KALRN: variants seen among roughly 807,000 people sequenced by gnomAD.
The protein encoded by KALRN is kalirin RhoGEF kinase, also known as kalirin.
A neutral mutation model predicts 353.7 loss-of-function variants in KALRN; 70 were observed. That is an observed-to-expected ratio of 0.20 (90% CI 0.16 to 0.24). KALRN has a LOEUF of 0.24. Ranked by LOEUF, KALRN falls within the 10% of genes least tolerant of loss-of-function variation. The pLI, the probability that KALRN is intolerant of heterozygous loss-of-function variation, is 1.00. For missense variants in KALRN, 2,791 were observed against 3,756.7 expected, an observed-to-expected ratio of 0.74 and a Z score of 6.72; for synonymous variants, 1,391 against 1,434.8, an observed-to-expected ratio of 0.97 and a Z score of 0.69.
rs556600969 is a variant in KALRN at position 124,393,847 on chromosome 3, G to A, written c.1963-1288G>A. On this transcript the variant is annotated intron_variant, in intron 11 of 59. Coordinates refer to ENST00000682506, the MANE Select transcript of KALRN (RefSeq NM_001388419.1). ...AATCTTCCTGTTAATCTCTTCTGCCGCATCTAGGGCTTCTCTATCTAAGGA... is the reference window on the plus strand; with the variant it reads ...AATCTTCCTGTTAATCTCTTCTGCCACATCTAGGGCTTCTCTATCTAAGGA... 7.2e-5 allele frequency among the ~76,000 whole-genome samples: 11 copies of A among 152,206 alleles called. No homozygotes were observed. The East Asian group carries it at 9.6e-4, about 13-fold the overall frequency.
At chr3:124,101,074 G>A (rs1410812900) in intron 1 of KALRN, among the ~76,000 whole-genome samples, 9 of 152,212 alleles carry the variant, frequency 5.9e-5, no homozygotes. Flanking sequence ...AACAAACTGT[G>A]TAAGAACGCA....
At position 124,217,420 on chromosome 3, in the gene KALRN, A is replaced by G. The variant is rs564333596; in HGVS notation, c.74-10570A>G. Among the ~76,000 whole-genome samples the G allele has an allele frequency of 3.3e-5, 5 of 152,318 alleles. No individual in the cohort carries two copies. In the East Asian group the frequency reaches 9.7e-4, roughly 29 times the overall value. On this transcript the variant is annotated intron_variant, in intron 1 of 59. Coordinates refer to ENST00000682506, the MANE Select transcript of KALRN (RefSeq NM_001388419.1). ...ATACCTGAACATTGTATCAGGGGAC[A>G]TATAGGGTTCATGCTATCTCATTTC...
rs544905879 is a variant in KALRN, at chr3:124,705,462, G to A, written c.8075+3346G>A. Among the ~76,000 whole-genome samples, 17 of 152,296 alleles carry A rather than the reference G, an allele frequency of 1.1e-4. No homozygotes were observed. The South Asian group carries it at 3.5e-3, about 32-fold the overall frequency. On this transcript the variant is annotated intron_variant, in intron 57 of 59. Coordinates refer to ENST00000682506, the MANE Select transcript of KALRN (RefSeq NM_001388419.1). ...CTTCAAGACCTGAGTGAGTCAGTCAGTCATGGGGTCAAATGAGGGCCAGTA... is the reference window on the plus strand; with the variant it reads ...CTTCAAGACCTGAGTGAGTCAGTCAATCATGGGGTCAAATGAGGGCCAGTA...
At chr3:124,680,835 G>C (rs1164849717) in intron 51 of KALRN, among the ~76,000 whole-genome samples, 1 of 152,194 alleles carries the variant, frequency 6.6e-6, no homozygotes, top group African/African-American at 2.4e-5. Flanking sequence ...ACCCCACTGT[G>C]GGAGAAAGTG....
chr3:124,392,557 G>GTT (rs569634416), intron 11 of KALRN, among the ~76,000 whole-genome samples: 3 of 126,914 alleles, frequency 2.4e-5, no homozygotes, highest in Admixed American at 1.5e-4. Context: ...TGGAGACAGA[G>GTT]TTTTTTTTGT....
At chr3:124,594,882 C>A (rs910119853) in intron 34 of KALRN, among the ~76,000 whole-genome samples, 2 of 152,226 alleles carry the variant, frequency 1.3e-5, no homozygotes, top group South Asian at 4.2e-4. Flanking sequence ...CACCCTGGGG[C>A]CTTCTCATTG....
chr3:124,455,275 G>C lies in KALRN; in HGVS notation c.3651G>C (p.Thr1217=), dbSNP rs1346938282. The C allele has an allele frequency of 1.9e-6, 3 of 1,614,034 alleles. No individual in the cohort carries two copies. Among genetic ancestry groups the C allele is most frequent in the South Asian group, 2.2e-5 (2 of 91,086 alleles). Residue 1217 remains threonine (T), a synonymous_variant, in exon 22 of 60, where the codon ACG becomes ACC. Transcript: ENST00000682506. ...CGGAGATAAGGAAATGGGTGACCAC[G>C]GTGGACAAGCACTACAGAGATTTCT... ...HATEIRKWVT[T]VDKHYRDFSL... is the part of the protein sequence containing the mutation.
At chr3:124,180,846 A>G (rs1186727547) in intron 1 of KALRN, among the ~76,000 whole-genome samples, 2 of 151,492 alleles carry the variant, frequency 1.3e-5, no homozygotes, top group Non-Finnish European at 2.9e-5. Context: ...CACTTCCTGT[A>G]ATGAACAACA....
At chr3:124,455,077 T>G in intron 21 of KALRN, 100 bp from the exon 22 acceptor site, 23 of 1,293,732 alleles carry the variant, frequency 1.8e-5, no homozygotes, top group African/African-American at 2.9e-5. Context: ...TAGTCAGCTA[T>G]GAGGTATCTA....
chr3:124,253,448 T>G (rs1314603011), intron 3 of KALRN, among the ~76,000 whole-genome samples: 1 of 152,210 alleles, frequency 6.6e-6, no homozygotes, highest in Non-Finnish European at 1.5e-5. Context: ...TGTCTGCCTA[T>G]GGTGAACGGT....
At chr3:124,152,862 G>A (rs1387051702) in intron 1 of KALRN, 1 of 203,756 alleles carries the variant, frequency 4.9e-6, no homozygotes. Context: ...TGATCCACCC[G>A]CCTCGGCCTC....
intron 33 of KALRN, among the ~76,000 whole-genome samples, chr3:124,559,540 A>G (rs1457178157): frequency 6.6e-6 from 1 of 152,170 alleles, no homozygotes; most frequent in Non-Finnish European, 1.5e-5. Flanking sequence ...CAGTGAGGGG[A>G]GTAAGATGAG....
intron 10 of KALRN, among the ~76,000 whole-genome samples, chr3:124,373,102 C>A (rs2086088851): frequency 6.6e-6 from 1 of 152,070 alleles, no homozygotes; most frequent in Non-Finnish European, 1.5e-5. Context: ...ACCCCCTAAC[C>A]TCCTCCCCCT....
chr3:124,687,004 G>C (rs535428168), intron 51 of KALRN, among the ~76,000 whole-genome samples: 1 of 151,700 alleles, frequency 6.6e-6, no homozygotes, highest in African/African-American at 2.4e-5. Context: ...TTTTAGAAGT[G>C]GGTTCTCCCG....
At chr3:124,304,101 T>C (rs1367398589) in intron 6 of KALRN, among the ~76,000 whole-genome samples, 2 of 147,734 alleles carry the variant, frequency 1.4e-5, no homozygotes, top group African/African-American at 5.0e-5. Flanking sequence ...TTTTTTAGAA[T>C]GTCAGAATTT....
At chr3:124,447,582 G>T (rs760172810) in intron 21 of KALRN, among the ~76,000 whole-genome samples, 8 of 152,158 alleles carry the variant, frequency 5.3e-5, no homozygotes, top group Non-Finnish European at 1.0e-4. Context: ...CTCACACGGG[G>T]CTCCTTGCCA....
chr3:124,464,545 G>A (rs574831702), intron 25 of KALRN, among the ~76,000 whole-genome samples: 4 of 151,960 alleles, frequency 2.6e-5, no homozygotes, highest in South Asian at 2.1e-4. Context: ...GCTGTAAATC[G>A]AGGAATAAAT....
intron 4 of KALRN, among the ~76,000 whole-genome samples, chr3:124,266,326 G>C (rs1351700109): frequency 6.6e-6 from 1 of 152,000 alleles, no homozygotes; most frequent in African/African-American, 2.4e-5. Context: ...TGTTAGTGAT[G>C]GTTTATTCTA....
chr3:124,186,317 G>C (rs2074226844), intron 1 of KALRN, among the ~76,000 whole-genome samples: 1 of 152,144 alleles, frequency 6.6e-6, no homozygotes, highest in African/African-American at 2.4e-5. Flanking sequence ...CTCAAGCCAG[G>C]CTTCCTGAGT....
Sources: allele counts gnomAD v4.1 joint callset (sites outside exome capture counted in the v4.1 genomes callset), GRCh38; gene constraint gnomAD v4.1.1; transcripts MANE v1.5; gene names NCBI Gene and HGNC (gene_info 2026-07-23, HGNC 2026-07-21).